Variants in AMOTL1 observed in about 807,000 individuals in gnomAD.
The protein encoded by AMOTL1 is angiomotin like 1, also known as angiomotin-like protein 1.
AMOTL1 carries 45 observed loss-of-function variants against 102.9 expected under a neutral mutation model. The ratio of observed to expected loss-of-function variants is 0.44; its 90% CI spans 0.34 to 0.56. The LOEUF is 0.56. AMOTL1 is among the 20% of genes least tolerant of loss of function. The probability of loss-of-function intolerance (pLI) is 0.01; values close to 1 mark genes in which losing one functional copy is unlikely to be tolerated. For synonymous variants in AMOTL1, 481 were observed against 484.7 expected, an observed-to-expected ratio of 0.99 and a Z score of 0.10; for missense variants, 1,114 against 1,225.6, an observed-to-expected ratio of 0.91 and a Z score of 1.36.
intron 7 of AMOTL1, among the ~76,000 whole-genome samples, chr11:94,851,177 C>T (rs1229887181): frequency 6.6e-6 from 1 of 152,158 alleles, no homozygotes; most frequent in Admixed American, 6.5e-5. Flanking sequence ...AATATGAAAA[C>T]ACTTGCCACA....
At chr11:94,783,247 A>G (rs1951136775) in intron 1 of AMOTL1, among the ~76,000 whole-genome samples, 1 of 152,214 alleles carries the variant, frequency 6.6e-6, no homozygotes, top group African/African-American at 2.4e-5. Context: ...TAATCATCAT[A>G]TAGTTCTCAT....
At chr11:94,839,366 C>A (rs1487588720) in intron 6 of AMOTL1, among the ~76,000 whole-genome samples, 1 of 152,206 alleles carries the variant, frequency 6.6e-6, no homozygotes, top group Non-Finnish European at 1.5e-5. Context: ...CTGTTCCAAA[C>A]AAACCTTTGA....
intron 6 of AMOTL1, among the ~76,000 whole-genome samples, chr11:94,849,368 A>G (rs771936498): frequency 3.3e-5 from 5 of 152,252 alleles, no homozygotes; most frequent in African/African-American, 7.2e-5. Context: ...AGAAATGCTC[A>G]TTCCATGACA....
Position 94,799,509 on chromosome 11 carries a change from C to A in AMOTL1, c.319C>A (p.Leu107Met). ...ATTGCAGCGGCTGATCCAGGAACAA[C>A]TGCGGTATGGCACCCCAACCGAGAA... ...TVLQRLIQEQ[L>M]RYGTPTENMN... The change falls in exon 3 of 13, where the codon CTG becomes ATG. Residue 107 changes from leucine to methionine, a missense_variant. Transcript: ENST00000433060. This position sits in a 1 kb window ranked among gnomAD's most constrained non-coding sequence, Gnocchi z 4.5. 2 of 1,613,254 alleles carry A rather than the reference C, an allele frequency of 1.2e-6. No individual in the cohort carries two copies. The highest frequency in any genetic ancestry group is 1.1e-5 in the South Asian group (1 of 90,900).
chr11:94,815,262 C>CT (rs1011345476), intron 3 of AMOTL1, among the ~76,000 whole-genome samples: 2 of 152,010 alleles, frequency 1.3e-5, no homozygotes, highest in African/African-American at 2.4e-5. Flanking sequence ...AGAAAATTAT[C>CT]TTTTTTTATG....
chr11:94,860,240 A>G (rs2135729454), intron 9 of AMOTL1, among the ~76,000 whole-genome samples: 1 of 152,340 alleles, frequency 6.6e-6, no homozygotes, highest in East Asian at 1.9e-4. Context: ...TCATTTTACA[A>G]GCAAAGAAAA....
At chr11:94,734,461 C>G (rs2135465178) in intron 2 of AMOTL1, among the ~76,000 whole-genome samples, 1 of 152,350 alleles carries the variant, frequency 6.6e-6, no homozygotes, top group South Asian at 2.1e-4. Context: ...GCCAATTCAG[C>G]CTGGGAGCTA....
chr11:94,765,401 A>T (rs1210702597), upstream of AMOTL1, among the ~76,000 whole-genome samples: 1 of 152,214 alleles, frequency 6.6e-6, no homozygotes, highest in Non-Finnish European at 1.5e-5. Context: ...CTTGCTAGTG[A>T]AATTCAGAGT....
intron 2 of AMOTL1, among the ~76,000 whole-genome samples, chr11:94,733,489 T>C (rs1251632794): frequency 6.6e-6 from 1 of 152,240 alleles, no homozygotes; most frequent in Non-Finnish European, 1.5e-5. Flanking sequence ...CCACCCACAC[T>C]ATGCTGACTG....
At chr11:94,794,663 C>T (rs1036574371) in intron 1 of AMOTL1, among the ~76,000 whole-genome samples, 5 of 152,192 alleles carry the variant, frequency 3.3e-5, no homozygotes, top group African/African-American at 1.2e-4. Context: ...CTGTCCTCAA[C>T]CTTGACCATT....
chr11:94,864,192 G>A (rs996844582), intron 9 of AMOTL1, among the ~76,000 whole-genome samples: 1 of 152,144 alleles, frequency 6.6e-6, no homozygotes, highest in South Asian at 2.1e-4. Flanking sequence ...ACTCTGATTG[G>A]AAAAGTGAGG....
chr11:94,707,242 CTCTCTCTCTGTGTGTGTG>C (rs1348629888), intron 1 of AMOTL1, among the ~76,000 whole-genome samples: 63 of 50,588 alleles, frequency 1.2e-3, no homozygotes, highest in Non-Finnish European at 3.7e-3. Flanking sequence ...CTCTCTCTCT[CTCTCTCTCTGTGTGTGTG>C]TGTGTGTGTG....
intron 2 of AMOTL1, among the ~76,000 whole-genome samples, chr11:94,732,031 G>T (rs893815703): frequency 1.3e-5 from 2 of 152,154 alleles, no homozygotes; most frequent in Non-Finnish European, 2.9e-5. Context: ...GCATAGCCAA[G>T]GCCTTGACCC....
chr11:94,786,471 C>G (rs1284900994), intron 1 of AMOTL1, among the ~76,000 whole-genome samples: 1 of 152,210 alleles, frequency 6.6e-6, no homozygotes, highest in East Asian at 1.9e-4. Context: ...CCTGTGGGCT[C>G]AGGACCTGCC....
At chr11:94,798,588 GTCAT>G (rs1202840200) in intron 2 of AMOTL1, among the ~76,000 whole-genome samples, 6 of 152,152 alleles carry the variant, frequency 3.9e-5, no homozygotes, top group African/African-American at 1.4e-4. Flanking sequence ...AGATGTATGG[GTCAT>G]GAGTCAGTAG....
Position 94,728,828 on chromosome 11 carries a change from A to G in AMOTL1, c.-50-93A>G, listed in dbSNP as rs1950300813. ...GTGCCAAAGGAATGAAATGAGCTAG[A>G]AACTGACCACTTTCCTTCAAGAAAG... On this transcript the variant is annotated intron_variant, in intron 1 of 4. Coordinates refer to the AMOTL1 transcript ENST00000299004. The G allele has an allele frequency of 5.7e-6, 3 of 530,668 alleles. No individual in the cohort carries two copies. In the Admixed American group the frequency reaches 1.0e-4, roughly 18 times the overall value. 32.9% of individuals were successfully genotyped at this position (530,668 alleles called of 1,614,324 possible).
chr11:94,802,723 G>A (rs938809377), intron 3 of AMOTL1, among the ~76,000 whole-genome samples: 5 of 152,136 alleles, frequency 3.3e-5, no homozygotes, highest in Non-Finnish European at 7.3e-5. Context: ...TTGTGAACAG[G>A]GCCATGGCTA....
chr11:94,779,555 A>C (rs1951076514), intron 1 of AMOTL1, among the ~76,000 whole-genome samples: 2 of 152,236 alleles, frequency 1.3e-5, no homozygotes, highest in African/African-American at 4.8e-5. Flanking sequence ...CTCTATAAGC[A>C]AGAGGTAATG....
chr11:94,707,875 A>G (rs1411589323), intron 1 of AMOTL1, among the ~76,000 whole-genome samples: 1 of 152,080 alleles, frequency 6.6e-6, no homozygotes, highest in Non-Finnish European at 1.5e-5. Flanking sequence ...CCCCACCTCC[A>G]CAGATATTAC....
Sources: allele counts gnomAD v4.1 joint callset (sites outside exome capture counted in the v4.1 genomes callset), GRCh38; gene constraint gnomAD v4.1.1; non-coding constraint Gnocchi (gnomAD v3.1); transcripts MANE v1.5; gene names NCBI Gene and HGNC (gene_info 2026-07-23, HGNC 2026-07-21).